Variants in ARMH4 observed in about 807,000 individuals in gnomAD.
ARMH4 encodes armadillo-like helical domain-containing protein 4.
Under a neutral mutation model 61.9 loss-of-function variants are expected in ARMH4, and 49 were observed. The ratio of observed to expected loss-of-function variants is 0.79; its 90% confidence interval spans 0.63 to 1.00. The LOEUF (loss-of-function observed/expected upper bound fraction) is 1.00, where lower values mean the gene tolerates loss of function less well. Ranked by LOEUF, ARMH4 falls within the 50% of genes least tolerant of loss-of-function variation. ARMH4 has a pLI of 0.00. For synonymous variants in ARMH4, 368 were observed against 341.5 expected, an observed-to-expected ratio of 1.08 and a Z score of -0.85; for missense variants, 934 against 930.0, an observed-to-expected ratio of 1.00 and a Z score of -0.06.
Position 58,138,969 on chromosome 14 carries a change from C to A in ARMH4, c.390G>T (p.Gln130His), listed in dbSNP as rs780598107. Reference protein sequence around the residue: ...PSAEEVFGSSQPERISPESGL... With the variant: ...PSAEEVFGSSHPERISPESGL... ...CACTTTCAGGAGATATTCTCTCTGGCTGGCTGGAACCAAATACTTCTTCAG... is the reference window on the plus strand; with the variant it reads ...CACTTTCAGGAGATATTCTCTCTGGATGGCTGGAACCAAATACTTCTTCAG... The change falls in exon 2 of 8, where the codon CAG (glutamine) becomes CAT (histidine). Residue 130 changes from glutamine (Q) to histidine (H), a missense_variant. Gln to His is a conservative substitution (Grantham distance 24, BLOSUM62 0). Transcript: ENST00000267485. 2 of 1,614,238 alleles carry A rather than the reference C, an allele frequency of 1.2e-6. No individual in the cohort carries two copies. The highest frequency in any genetic ancestry group is 3.3e-5 in the Admixed American group (2 of 60,032).
intron 5 of ARMH4, among the ~76,000 whole-genome samples, chr14:58,066,011 A>G (rs1884689092): frequency 6.6e-6 from 1 of 152,218 alleles, no homozygotes; most frequent in South Asian, 2.1e-4. Flanking sequence ...AGGAGCCTCC[A>G]CTGATTCCTT....
At chr14:58,132,933 G>A (rs1887165234) in intron 3 of ARMH4, among the ~76,000 whole-genome samples, 157 bp downstream of exon 3, 1 of 152,126 alleles carries the variant, frequency 6.6e-6, no homozygotes, top group Non-Finnish European at 1.5e-5. Flanking sequence ...ACAGGACAGA[G>A]CTCACACCCC....
At chr14:58,093,736 G>A (rs1362114443) in intron 5 of ARMH4, among the ~76,000 whole-genome samples, 2 of 152,020 alleles carry the variant, frequency 1.3e-5, no homozygotes, top group African/African-American at 2.4e-5. Flanking sequence ...CTGTCCTTCC[G>A]AGAAAAGGTT....
At chr14:58,122,592 A>ATCC (rs778047494) in intron 4 of ARMH4, among the ~76,000 whole-genome samples, 2 of 152,164 alleles carry the variant, frequency 1.3e-5, no homozygotes, top group Non-Finnish European at 2.9e-5. Flanking sequence ...AATAGAGATC[A>ATCC]GGAGGAGCGG....
At chr14:58,026,094 T>C (rs1883009545) in intron 5 of ARMH4, among the ~76,000 whole-genome samples, 1 of 151,998 alleles carries the variant, frequency 6.6e-6, no homozygotes, top group South Asian at 2.1e-4. Context: ...CCAGGGTTAT[T>C]TATTAGTGCT....
chr14:58,064,793 A>G (rs1884649299), intron 5 of ARMH4, among the ~76,000 whole-genome samples: 1 of 152,206 alleles, frequency 6.6e-6, no homozygotes, highest in Non-Finnish European at 1.5e-5. Context: ...TGGGATCAAA[A>G]AAATGTTTCA....
intron 5 of ARMH4, among the ~76,000 whole-genome samples, chr14:58,032,611 G>A (rs542956953): frequency 6.6e-5 from 10 of 152,278 alleles, no homozygotes; most frequent in African/African-American, 2.2e-4. Context: ...CGCAGAAGAC[G>A]GGTGATTTCT....
intron 5 of ARMH4, among the ~76,000 whole-genome samples, chr14:58,038,517 C>A: frequency 8.2e-6 from 1 of 122,112 alleles, no homozygotes; most frequent in African/African-American, 3.1e-5. Flanking sequence ...CTAACCTGCA[C>A]AATGTGCACA....
chr14:58,008,267 A>G (rs778452238), intron 6 of ARMH4, among the ~76,000 whole-genome samples: 1 of 152,232 alleles, frequency 6.6e-6, no homozygotes, highest in Admixed American at 6.5e-5. Context: ...AAAGAGGAGA[A>G]TGTGACAGCA....
At chr14:58,092,065 C>T (rs1427860895) in intron 5 of ARMH4, among the ~76,000 whole-genome samples, 2 of 152,224 alleles carry the variant, frequency 1.3e-5, no homozygotes, top group African/African-American at 4.8e-5. Context: ...GCTCTTGGCA[C>T]TTCACAGGAA....
chr14:58,081,754 C>T (rs1435557989), intron 5 of ARMH4, among the ~76,000 whole-genome samples: 1 of 152,084 alleles, frequency 6.6e-6, no homozygotes, highest in African/African-American at 2.4e-5. Flanking sequence ...GATCCGCCCG[C>T]CTCGGTCTCC....
intron 6 of ARMH4, among the ~76,000 whole-genome samples, chr14:58,006,923 TAAA>T (rs1319142362): frequency 0.013 from 2,046 of 152,000 alleles, 34 homozygotes; most frequent in East Asian, 0.035. Context: ...AATAAATAAA[TAAA>T]TAAATTAATT....
At chr14:58,143,180 T>C (rs1433249218) in intron 1 of ARMH4, among the ~76,000 whole-genome samples, 1 of 152,206 alleles carries the variant, frequency 6.6e-6, no homozygotes, top group Non-Finnish European at 1.5e-5. Context: ...ACGGGGTAAT[T>C]TGTTACACAG....
chr14:58,107,409 T>C (rs1241565193), intron 4 of ARMH4, among the ~76,000 whole-genome samples: 4 of 152,224 alleles, frequency 2.6e-5, no homozygotes, highest in African/African-American at 2.4e-5. Context: ...GAGTTTTACA[T>C]GTCAAATTTC....
At chr14:58,094,934 T>A (rs1301390954) in intron 5 of ARMH4, among the ~76,000 whole-genome samples, 1 of 152,194 alleles carries the variant, frequency 6.6e-6, no homozygotes, top group African/African-American at 2.4e-5. Flanking sequence ...TGCAATTGTG[T>A]ATAATACATA....
intron 5 of ARMH4, 79 bp from the exon 6 acceptor site, chr14:58,012,229 TA>T: frequency 1.2e-6 from 1 of 858,972 alleles, no homozygotes; most frequent in Non-Finnish European, 1.8e-6. Context: ...TTTGACAAAT[TA>T]AAGAGTTTTT....
At chr14:58,102,036 T>C (rs1334348243) in intron 4 of ARMH4, among the ~76,000 whole-genome samples, 2 of 151,510 alleles carry the variant, frequency 1.3e-5, no homozygotes, top group Admixed American at 1.3e-4. Context: ...AGTGGAAGAG[T>C]GGCATGAGCA....
At chr14:58,088,583 G>C (rs1885455521) in intron 5 of ARMH4, among the ~76,000 whole-genome samples, 1 of 152,084 alleles carries the variant, frequency 6.6e-6, no homozygotes, top group South Asian at 2.1e-4. Context: ...TACCATCTTG[G>C]GGATGGAAGG....
intron 5 of ARMH4, among the ~76,000 whole-genome samples, chr14:58,083,628 C>T (rs2141245912): frequency 6.6e-6 from 1 of 152,274 alleles, no homozygotes; most frequent in South Asian, 2.1e-4. Context: ...GTGCTGGCAC[C>T]CCTAAGAATT....
Sources: allele counts gnomAD v4.1 joint callset (sites outside exome capture counted in the v4.1 genomes callset), GRCh38; gene constraint gnomAD v4.1.1; transcripts MANE v1.5; gene names NCBI Gene and HGNC (gene_info 2026-07-23, HGNC 2026-07-21).